ENTPD5: variants seen among roughly 807,000 people sequenced by gnomAD.
ENTPD5 encodes ectonucleoside triphosphate diphosphohydrolase 5 (inactive), also known as nucleoside diphosphate phosphatase ENTPD5.
ENTPD5 carries 49 observed loss-of-function variants against 60.2 expected under a neutral mutation model. The ratio of observed to expected loss-of-function variants is 0.81; its 90% confidence interval spans 0.65 to 1.03. ENTPD5 has a LOEUF of 1.03. Among genes scored for constraint, ENTPD5 ranks in the 50% least tolerant of loss-of-function variants. The pLI, the probability that ENTPD5 is intolerant of heterozygous loss-of-function variation, is 0.00. For missense variants in ENTPD5, 480 were observed against 507.6 expected (o/e 0.95, Z 0.52); for synonymous variants, 187 against 185.4 (o/e 1.01, Z -0.07).
chr14:73,992,914 A>C (rs142451081), intron 3 of ENTPD5, among the ~76,000 whole-genome samples: 1,891 of 152,170 alleles, frequency 0.012, 42 homozygotes, highest in African/African-American at 0.043. Flanking sequence ...GAAGTACGAG[A>C]ATCGCTTGAA....
chr14:73,986,093 A>G (rs1355232972), intron 5 of ENTPD5: 1 of 151,876 alleles, frequency 6.6e-6, no homozygotes, highest in Non-Finnish European at 1.5e-5. Flanking sequence ...AAAAAGAAAA[A>G]GAAGAAAATG....
At chr14:74,012,395 C>G (rs570463760) in intron 2 of ENTPD5, among the ~76,000 whole-genome samples, 8 of 152,290 alleles carry the variant, frequency 5.3e-5, no homozygotes, top group Non-Finnish European at 7.3e-5. Flanking sequence ...GCATGAGCCA[C>G]CGGTCCCAGC....
intron 6 of ENTPD5, among the ~76,000 whole-genome samples, chr14:73,979,618 C>T (rs1024425671): frequency 1.3e-5 from 2 of 151,806 alleles, no homozygotes; most frequent in Non-Finnish European, 2.9e-5. Context: ...ACTACAGGTG[C>T]CTACCACCAC....
chr14:73,960,770 G>C (rs1269271682), downstream of ENTPD5: 1 of 416,300 alleles, frequency 2.4e-6, no homozygotes, highest in Non-Finnish European at 4.1e-6. Flanking sequence ...AGAAAGACTG[G>C]AGGAGTTAAA....
At chr14:73,998,940 T>C (rs779664041) in intron 3 of ENTPD5, among the ~76,000 whole-genome samples, 25 of 152,074 alleles carry the variant, frequency 1.6e-4, no homozygotes, top group Admixed American at 6.6e-4. Flanking sequence ...CTGCAGGTGA[T>C]AGGAAGCCAC....
rs753351719 is a variant in ENTPD5 at position 73,966,890 on chromosome 14, G to T, written c.*38C>A. The T allele has an allele frequency of 4.0e-6, 6 of 1,490,514 alleles. No homozygotes were observed. In the East Asian group the frequency reaches 1.1e-4, roughly 28 times the overall value. 92.3% of individuals were successfully genotyped at this position (1,490,514 alleles called of 1,614,324 possible). On this transcript the variant is annotated 3_prime_UTR_variant, in exon 16 of 16. Coordinates refer to ENST00000334696, the MANE Select transcript of ENTPD5 (RefSeq NM_001249.5). ...AGTGCTCTCTCCTCCCCTTAAAAAG[G>T]TGTTGGCAAATGCAGGTCTCCAAGG...
At chr14:73,977,253 G>C in intron 7 of ENTPD5, 46 bp downstream of exon 7, 2 of 1,479,666 alleles carry the variant, frequency 1.4e-6, no homozygotes, top group Non-Finnish European at 1.9e-6. Flanking sequence ...ATCTTTCACT[G>C]ATCCTGCCCC....
rs1555366585 is a variant in ENTPD5 at position 74,005,370 on chromosome 14, A to AAAAAAAAAAAAAAG, written c.-71+5720_-71+5721insCTTTTTTTTTTTTT. 2.8e-5 allele frequency among the ~76,000 whole-genome samples: 4 copies of AAAAAAAAAAAAAAG among 145,134 alleles called. 1 individual carries two copies. Among genetic ancestry groups the AAAAAAAAAAAAAAG allele is most frequent in the Non-Finnish European group, 4.4e-5 (3 of 67,572 alleles). The stretch of plus-strand genomic sequence containing the variant: ...AGAGAGCAAGACTCGGTCTCAAAAA[A>AAAAAAAAAAAAAAG]AAAGAAAAGAAATATAGGCAGGGTT... On this transcript the variant is annotated intron_variant, in intron 3 of 15. Coordinates refer to ENST00000334696, the MANE Select transcript of ENTPD5 (RefSeq NM_001249.5).
chr14:73,958,881 A>G (rs2056570822), downstream of ENTPD5: 1 of 1,569,832 alleles, frequency 6.4e-7, no homozygotes, highest in Non-Finnish European at 8.6e-7. Flanking sequence ...CAACAATCAG[A>G]GCTGGAGGAA....
chr14:73,981,737 G>A (rs906684589), intron 6 of ENTPD5, among the ~76,000 whole-genome samples: 1 of 151,566 alleles, frequency 6.6e-6, no homozygotes, highest in Non-Finnish European at 1.5e-5. Context: ...AACCTGGGAG[G>A]TGGAGGTTGC....
intron 3 of ENTPD5, among the ~76,000 whole-genome samples, chr14:74,004,412 G>A (rs937727939): frequency 2.6e-5 from 4 of 152,104 alleles, no homozygotes; most frequent in Non-Finnish European, 4.4e-5. Context: ...ATCCACCTGC[G>A]TTGGCCTCCC....
chr14:73,968,139 A>G (rs901547324), intron 15 of ENTPD5, among the ~76,000 whole-genome samples: 1 of 152,180 alleles, frequency 6.6e-6, no homozygotes, highest in Non-Finnish European at 1.5e-5. Context: ...GAAAAAGAAA[A>G]GAAAAAAATA....
chr14:73,984,130 C>T (rs768226789), intron 5 of ENTPD5, among the ~76,000 whole-genome samples: 1 of 152,140 alleles, frequency 6.6e-6, no homozygotes, highest in Non-Finnish European at 1.5e-5. Context: ...CGGGTTCAAG[C>T]GATTCTCCTG....
intron 11 of ENTPD5, among the ~76,000 whole-genome samples, chr14:73,974,340 A>C (rs1172349938): frequency 6.6e-6 from 1 of 152,212 alleles, no homozygotes; most frequent in African/African-American, 2.4e-5. Context: ...GGTTGCTGAG[A>C]GGCTTCAATT....
intron 1 of ENTPD5, among the ~76,000 whole-genome samples, chr14:74,016,186 G>C (rs967325222): frequency 2.6e-5 from 4 of 152,142 alleles, no homozygotes; most frequent in African/African-American, 9.7e-5. Context: ...ACAACATCCA[G>C]TTCTTTGGTA....
At chr14:73,996,021 G>A (rs143767369) in intron 3 of ENTPD5, 5 of 392,600 alleles carry the variant, frequency 1.3e-5, no homozygotes, top group Non-Finnish European at 1.7e-5. Context: ...TTCCCAGAAC[G>A]TCACACTCTG....
chr14:74,013,181 T>C (rs549638531), intron 2 of ENTPD5, among the ~76,000 whole-genome samples: 138 of 152,340 alleles, frequency 9.1e-4, no homozygotes, highest in African/African-American at 3.1e-3. Flanking sequence ...GAAGCTGATG[T>C]TACCGGTCTG....
intron 6 of ENTPD5, 32 bp from the exon 7 acceptor site, chr14:73,977,406 T>G: frequency 8.2e-7 from 1 of 1,213,096 alleles, no homozygotes; most frequent in Non-Finnish European, 1.2e-6. Flanking sequence ...AAAAAAAGAA[T>G]TCCCTAAGGC....
Position 73,972,791 on chromosome 14 carries a change from C to T in ENTPD5, c.1027+93G>A, listed in dbSNP as rs144226499. The T allele has an allele frequency of 3.3e-4, 474 of 1,448,290 alleles. 1 individual carries two copies. The African/African-American group carries it at 5.8e-3, about 18-fold the overall frequency. 89.7% of individuals were successfully genotyped at this position (1,448,290 alleles called of 1,614,324 possible). A position where few individuals can be genotyped will look rare whatever the true frequency, so the allele number is the denominator to read the frequency against. ...CTAGAAAAGAGGTGGGTAATCACCCCGACAAAGCACCTCAAGTGCTCTTTC... is the reference window on the plus strand; with the variant it reads ...CTAGAAAAGAGGTGGGTAATCACCCTGACAAAGCACCTCAAGTGCTCTTTC... On this transcript the variant is annotated intron_variant, in intron 13 of 15. Transcript: ENST00000334696.
Sources: gnomAD v4.1 joint callset for allele counts (sites outside exome capture counted in the v4.1 genomes callset) on GRCh38, gnomAD v4.1.1 for gene constraint, MANE v1.5 for transcripts, NCBI Gene and HGNC (gene_info 2026-07-23, HGNC 2026-07-21) for gene names.